Variants in USP34 observed in about 807,000 individuals in gnomAD.
USP34 encodes ubiquitin specific peptidase 34, also known as ubiquitin carboxyl-terminal hydrolase 34.
In USP34, 70 loss-of-function variants were observed where a neutral mutation model predicts 460.3. The ratio of observed to expected loss-of-function variants is 0.15; its 90% CI spans 0.13 to 0.19. The LOEUF (loss-of-function observed/expected upper bound fraction) is 0.19. USP34 is among the 10% of genes least tolerant of loss of function. The pLI, the probability that USP34 is intolerant of heterozygous loss-of-function variation, is 1.00. For synonymous variants in USP34, 1,647 were observed against 1,405.3 expected (o/e 1.17, Z -3.85); for missense variants, 3,985 against 4,236.2 (o/e 0.94, Z 1.65).
chr2:61,464,171 T>C (rs1157323814), intron 1 of USP34, among the ~76,000 whole-genome samples: 1 of 152,108 alleles, frequency 6.6e-6, no homozygotes, highest in Non-Finnish European at 1.5e-5. Context: ...ATACAAACAT[T>C]AGCTGGGCGT....
chr2:61,230,856 A>AC (rs1687873613), intron 58 of USP34, among the ~76,000 whole-genome samples: 2 of 150,966 alleles, frequency 1.3e-5, no homozygotes, highest in African/African-American at 2.4e-5. Context: ...AAAAAAAAAA[A>AC]AACAAAACAC....
chr2:61,261,875 C>T (rs1239849580), intron 43 of USP34, among the ~76,000 whole-genome samples: 4 of 151,460 alleles, frequency 2.6e-5, no homozygotes, highest in African/African-American at 9.7e-5. Context: ...GAGGCCGAGG[C>T]GGGGGGATCA....
chr2:61,252,389 TAGCAGC>T (rs3980947), intron 48 of USP34, among the ~76,000 whole-genome samples: 61 of 151,690 alleles, frequency 4.0e-4, no homozygotes, highest in African/African-American at 1.4e-3. Context: ...ACAGTAACAA[TAGCAGC>T]AGCAGCAGCA....
chr2:61,451,148 G>C (rs1197417753), intron 1 of USP34, among the ~76,000 whole-genome samples: 1 of 142,798 alleles, frequency 7.0e-6, no homozygotes, highest in East Asian at 2.0e-4. Context: ...TTGAACCCGA[G>C]AGGTGGAAGT....
chr2:61,313,853 ATATCACTTG>A (rs1196826288), intron 25 of USP34, among the ~76,000 whole-genome samples: 1 of 152,118 alleles, frequency 6.6e-6, no homozygotes, highest in Non-Finnish European at 1.5e-5. Context: ...ATGTCAATAA[ATATCACTTG>A]TATCACTTCA....
In USP34 at chr2:61,406,113, G is replaced by A. The variant is rs369745874; in HGVS notation, c.147C>T (p.Cys49=). Residue 49 remains cysteine (C), a synonymous_variant, in exon 3 of 80, where the codon TGC becomes TGT. Transcript: ENST00000398571. ...TCTCCAAATGCTTATATTCCTTGAA[G>A]CAGCATAGACATTGCCTATAAGAGA... ...NSWTQRQCLC[C]FKEYKHLEIF... is the part of the protein sequence containing the mutation. The A allele has an allele frequency of 1.2e-5, 20 of 1,608,026 alleles. No individual in the cohort carries two copies. In the African/African-American group the frequency reaches 2.1e-4, roughly 17 times the overall value.
chr2:61,242,697 T>G (rs2103860925), intron 51 of USP34, among the ~76,000 whole-genome samples: 2 of 152,096 alleles, frequency 1.3e-5, no homozygotes, highest in East Asian at 3.9e-4. Flanking sequence ...TCTTAATGAG[T>G]AAGGAGACGA....
At chr2:61,295,700 T>C (rs901046529) in intron 30 of USP34, among the ~76,000 whole-genome samples, 3 of 152,184 alleles carry the variant, frequency 2.0e-5, no homozygotes, top group Admixed American at 1.3e-4. Flanking sequence ...TGTTTTCTAC[T>C]GTCAATTCAT....
chr2:61,392,225 G>C (rs1023974332), intron 5 of USP34, among the ~76,000 whole-genome samples: 6 of 152,264 alleles, frequency 3.9e-5, no homozygotes, highest in African/African-American at 1.4e-4. Flanking sequence ...CCAGGTACTT[G>C]GGAGGCTGAC....
chr2:61,232,613 T>C, intron 57 of USP34, 81 bp from the exon 58 acceptor site: 1 of 1,124,170 alleles, frequency 8.9e-7, no homozygotes, highest in Non-Finnish European at 1.3e-6. Context: ...AGAATTTTAT[T>C]TCTAGTCAAT....
At chr2:61,354,557 C>A (rs1331939910) in intron 10 of USP34, among the ~76,000 whole-genome samples, 1 of 152,190 alleles carries the variant, frequency 6.6e-6, no homozygotes, top group Non-Finnish European at 1.5e-5. Context: ...ATGGTAGCAA[C>A]CACAAACTCT....
chr2:61,417,744 C>CTTT (rs55680146), intron 2 of USP34, among the ~76,000 whole-genome samples: 2 of 87,942 alleles, frequency 2.3e-5, no homozygotes, highest in Non-Finnish European at 4.4e-5. Flanking sequence ...TTTTTCTTTT[C>CTTT]TTTTTTTTTT....
intron 53 of USP34, among the ~76,000 whole-genome samples, chr2:61,239,990 G>T (rs1242432542): frequency 7.5e-6 from 1 of 133,778 alleles, no homozygotes; most frequent in Non-Finnish European, 1.6e-5. Flanking sequence ...CAGCCTGGGC[G>T]ACAGAGCGAG....
chr2:61,366,174 T>G lies in USP34; in HGVS notation c.1251+4147A>C, dbSNP rs765338227. On this transcript the variant is annotated intron_variant, in intron 10 of 79. Coordinates refer to ENST00000398571, the MANE Select transcript of USP34 (RefSeq NM_014709.4). ...CCGCTGACTTTGTGATCCGCCCACG[T>G]TGGCCTCCCAAAGTGCTGGGATTGT... 2.6e-5 allele frequency among the ~76,000 whole-genome samples: 4 copies of G among 152,256 alleles called. No homozygotes were observed. The South Asian group carries it at 8.3e-4, about 31-fold the overall frequency.
Position 61,200,602 on chromosome 2 carries a change from G to A in USP34, c.9508+2538C>T, listed in dbSNP as rs561996191. Reference sequence around the variant, plus strand: ...TGACTTGCAATCCATTATAGGTCTTGAGATGTTCTCACCAATGGTCACAAT... The same window carrying A: ...TGACTTGCAATCCATTATAGGTCTTAAGATGTTCTCACCAATGGTCACAAT... On this transcript the variant is annotated intron_variant, in intron 75 of 79. Coordinates refer to ENST00000398571, the MANE Select transcript of USP34 (RefSeq NM_014709.4). The A allele has an allele frequency of 1.3e-5, 2 of 152,270 alleles. 1 individual carries two copies. Among genetic ancestry groups the A allele is most frequent in the African/African-American group, 4.8e-5 (2 of 41,418 alleles). 9.4% of individuals were successfully genotyped at this position (152,270 alleles called of 1,614,324 possible). A position where few individuals can be genotyped will look rare whatever the true frequency, so the allele number is the denominator to read the frequency against.
chr2:61,215,578 T>C (rs1687372933), intron 67 of USP34, among the ~76,000 whole-genome samples: 1 of 152,214 alleles, frequency 6.6e-6, no homozygotes. Context: ...CTGTATAAAC[T>C]TCTCATTTAA....
At position 61,311,628 on chromosome 2, in the gene USP34, A is replaced by G. The variant is rs746305714; in HGVS notation, c.3729T>C (p.His1243=). Residue 1243 remains histidine, a synonymous_variant, in exon 27 of 80, where the codon CAT becomes CAC. Coordinates refer to ENST00000398571, the MANE Select transcript of USP34 (RefSeq NM_014709.4). ...GTTCTTTCTGTAAATTTTCATACCA[A>G]TGAGTTACTTCAGCCCTAAGATCTG... ...QVADLRAEVT[H]WYENLQKEQI... 1.4e-5 allele frequency: 23 copies of G among 1,613,610 alleles called. No individual in the cohort carries two copies. Among genetic ancestry groups the G allele is most frequent in the Non-Finnish European group, 1.8e-5 (21 of 1,179,862 alleles).
chr2:61,406,668 C>G (rs535681759), intron 2 of USP34, among the ~76,000 whole-genome samples: 18 of 150,692 alleles, frequency 1.2e-4, no homozygotes, highest in South Asian at 6.4e-4. Context: ...CTCTCTCCCC[C>G]CCAAGCTCCT....
At chr2:61,299,699 C>T (rs142203769) in intron 29 of USP34, among the ~76,000 whole-genome samples, 2,165 of 152,252 alleles carry the variant, frequency 0.014, 31 homozygotes, top group Middle Eastern at 0.024. Context: ...TACAACTGAG[C>T]TACGATCATA....
Sources: gnomAD v4.1 joint callset for allele counts (sites outside exome capture counted in the v4.1 genomes callset) on GRCh38, gnomAD v4.1.1 for gene constraint, MANE v1.5 for transcripts, NCBI Gene and HGNC (gene_info 2026-07-23, HGNC 2026-07-21) for gene names.